Variants in SPATA2 observed in about 807,000 individuals in gnomAD.
SPATA2 encodes spermatogenesis associated 2.
A neutral mutation model predicts 35.4 loss-of-function variants in SPATA2; 8 were observed. The ratio of observed to expected loss-of-function variants is 0.23; its 90% CI spans 0.13 to 0.41. The LOEUF (loss-of-function observed/expected upper bound fraction) is 0.41, where lower values mean the gene tolerates loss of function less well. Among genes scored for constraint, SPATA2 ranks in the 10% least tolerant of loss-of-function variants. The probability of loss-of-function intolerance (pLI) is 1.00; values close to 1 mark genes in which losing one functional copy is unlikely to be tolerated. For synonymous variants in SPATA2, 293 were observed against 300.9 expected (o/e 0.97, Z 0.27); for missense variants, 650 against 698.7 (o/e 0.93, Z 0.79).
intron 2 of SPATA2, among the ~76,000 whole-genome samples, chr20:49,907,077 T>C (rs1197341073): frequency 6.6e-6 from 1 of 152,186 alleles, no homozygotes; most frequent in African/African-American, 2.4e-5. Context: ...TTTCTTTTGT[T>C]TGAGACGGAG....
intron 2 of SPATA2, among the ~76,000 whole-genome samples, chr20:49,907,059 G>C (rs946345025): frequency 1.8e-4 from 28 of 152,308 alleles, no homozygotes; most frequent in Admixed American, 1.4e-3. Flanking sequence ...AAATGACCCA[G>C]CAGCTCCTTT....
At chr20:49,909,015 C>A (rs1194020247) in intron 1 of SPATA2, among the ~76,000 whole-genome samples, 4 of 152,100 alleles carry the variant, frequency 2.6e-5, no homozygotes, top group African/African-American at 9.7e-5. Flanking sequence ...GAGCTTCACA[C>A]ACACTAACTC....
Position 49,903,902 on chromosome 20 carries a change from GATATATAT to G in SPATA2, c.*1709_*1716del, listed in dbSNP as rs374830291. 0.017 allele frequency: 1,608 copies of G among 96,650 alleles called. 15 individuals carry two copies. Among genetic ancestry groups the G allele is most frequent in the Non-Finnish European group, 0.019 (937 of 49,542 alleles). The allele number at this position is 96,650 out of a possible 1,614,324, so 6.0% of individuals were successfully genotyped here. A position where few individuals can be genotyped will look rare whatever the true frequency, so the allele number is the denominator to read the frequency against. On this transcript the variant is annotated 3_prime_UTR_variant, in exon 3 of 3. Transcript: ENST00000289431. ...ACATCTACATGTGATCTACCAGATA[GATATATAT>G]ATATATATATATATATATATATATA...
rs1389586729 is a variant in SPATA2 at position 49,905,796 on chromosome 20, G to A, written c.1386C>T (p.Phe462=). 5.0e-6 allele frequency: 8 copies of A among 1,614,070 alleles called. No homozygotes were observed. Among genetic ancestry groups the A allele is most frequent in the Non-Finnish European group, 5.9e-6 (7 of 1,180,030 alleles). The stretch of plus-strand genomic sequence containing the variant: ...TGTTGGTGGCGCCTGGGCGGTTGCA[G>A]AAGCCACAGCGGGAAGTGGGCGTGG... The part of the protein sequence containing the change: ...PSTTPTSRCG[F]CNRPGATNTC... Residue 462 remains phenylalanine (F), a synonymous_variant, in exon 3 of 3, where the codon TTC becomes TTT. Coordinates refer to ENST00000289431, the MANE Select transcript of SPATA2 (RefSeq NM_006038.4).
Position 49,908,141 on chromosome 20 carries a change from C to A in SPATA2, c.336+14G>T. ...AGAAGGAGGGCCTGTATGGAGGCTG[C>A]TCCAGGACCTCACCTTGATGCTTCT... On this transcript the variant is annotated intron_variant, in intron 2 of 2. Transcript: ENST00000289431. 1 of 1,591,898 alleles carries A rather than the reference C, an allele frequency of 6.3e-7. No individual in the cohort carries two copies. Among genetic ancestry groups the A allele is most frequent in the African/African-American group, 1.3e-5 (1 of 74,592 alleles).
intron 1 of SPATA2, among the ~76,000 whole-genome samples, chr20:49,913,264 A>G (rs1345240714): frequency 6.6e-6 from 1 of 152,220 alleles, no homozygotes; most frequent in East Asian, 1.9e-4. Flanking sequence ...AACCTGCCCA[A>G]CAGAGTTTGA....
At position 49,903,912 on chromosome 20, in the gene SPATA2, T is replaced by C. The variant is rs1447155031; in HGVS notation, c.*1707A>G. 2.9e-4 allele frequency: 8 copies of C among 28,028 alleles called. No individual in the cohort carries two copies. The highest frequency in any genetic ancestry group is 8.5e-4 in the African/African-American group (8 of 9,438). 1.7% of individuals were successfully genotyped at this position (28,028 alleles called of 1,614,324 possible). ...GTGATCTACCAGATAGATATATATA[T>C]ATATATATATATATATATATATATA... On this transcript the variant is annotated 3_prime_UTR_variant, in exon 3 of 3. Transcript: ENST00000289431.
At position 49,905,625 on chromosome 20, in the gene SPATA2, G is replaced by A; in HGVS notation, c.1557C>T (p.Tyr519=). The change falls in exon 3 of 3, where the codon TAC becomes TAT. Residue 519 remains tyrosine (Y), a synonymous_variant. Coordinates refer to ENST00000289431, the MANE Select transcript of SPATA2 (RefSeq NM_006038.4). The part of the protein sequence containing the change: ...YKSTQLSHLV[Y]R ...TGGAAGGGGCGAGGCCGGTCTATCTGTACACGAGATGGGAGAGCTGGGTGG... is the reference window on the plus strand; with the variant it reads ...TGGAAGGGGCGAGGCCGGTCTATCTATACACGAGATGGGAGAGCTGGGTGG... The A allele has an allele frequency of 1.2e-6, 2 of 1,614,204 alleles. No individual in the cohort carries two copies. The highest frequency in any genetic ancestry group is 2.2e-5 in the East Asian group (1 of 44,880).
Position 49,905,908 on chromosome 20 carries a change from T to A in SPATA2, c.1274A>T (p.His425Leu), listed in dbSNP as rs1568905807. ...SKASTHDSLA[H>L]GASLREKYPG... The stretch of plus-strand genomic sequence containing the variant: ...GTACTTCTCCCGCAGAGATGCCCCG[T>A]GGGCCAGGCTGTCATGAGTCGAGGC... Residue 425 changes from histidine to leucine, a missense_variant, in exon 3 of 3, where the codon CAC (histidine) becomes CTC (leucine). Physicochemically the swap from His to Leu is moderately conservative, Grantham distance 99 (BLOSUM62 -3). Transcript: ENST00000289431. 4 of 1,612,324 alleles carry A rather than the reference T, an allele frequency of 2.5e-6. No homozygotes were observed. The highest frequency in any genetic ancestry group is 3.4e-6 in the Non-Finnish European group (4 of 1,179,990).
intron 1 of SPATA2, among the ~76,000 whole-genome samples, chr20:49,908,978 T>C (rs545524635): frequency 1.3e-5 from 2 of 152,050 alleles, no homozygotes; most frequent in African/African-American, 4.8e-5. Context: ...CCTGAGCTAA[T>C]AGTACCAGAG....
intron 1 of SPATA2, among the ~76,000 whole-genome samples, chr20:49,910,852 C>G (rs1389074224): frequency 2.6e-5 from 4 of 152,204 alleles, no homozygotes; most frequent in Admixed American, 2.6e-4. Flanking sequence ...CTGTCTCCAA[C>G]ACACTGCACT....
In SPATA2 at chr20:49,906,684, G is replaced by A; in HGVS notation, c.498C>T (p.Leu166=). ...TLQVKMVSFE[L]FLAKVECEQM... Reference sequence around the variant, plus strand: ...GCTCACACTCGACTTTGGCCAGAAAGAGCTCAAAGGAGACCATCTTCACCT... The same window carrying A: ...GCTCACACTCGACTTTGGCCAGAAAAAGCTCAAAGGAGACCATCTTCACCT... Residue 166 remains leucine (L), a synonymous_variant, in exon 3 of 3, where the codon CTC becomes CTT. Transcript: ENST00000289431. The surrounding 1 kb of genome is among the most constrained non-coding windows in gnomAD (Gnocchi z 8.2). 1 of 1,614,238 alleles carries A rather than the reference G, an allele frequency of 6.2e-7. No homozygotes were observed. The highest frequency in any genetic ancestry group is 1.1e-5 in the South Asian group (1 of 91,084).
chr20:49,905,190 C>T lies in SPATA2; in HGVS notation c.*429G>A, dbSNP rs2090132656. 6.1e-6 allele frequency: 1 copy of T among 163,430 alleles called. No individual in the cohort carries two copies. The highest frequency in any genetic ancestry group is 2.4e-5 in the African/African-American group (1 of 41,634). 10.1% of individuals were successfully genotyped at this position (163,430 alleles called of 1,614,324 possible). On this transcript the variant is annotated 3_prime_UTR_variant, in exon 3 of 3. Coordinates refer to ENST00000289431, the MANE Select transcript of SPATA2 (RefSeq NM_006038.4). ...CACAAGCCAACAGGCCTCTAGCTCG[C>T]CGCTCCAGGTGGATGTTTGGTGACC...
rs1182305722 is a variant in SPATA2 at position 49,904,831 on chromosome 20, A to T, written c.*788T>A. ...TTTTAACCACGTTGAAACACACAGCAAGTTGAATATTTATTTAAAAATAAA... is the reference window on the plus strand; with the variant it reads ...TTTTAACCACGTTGAAACACACAGCTAGTTGAATATTTATTTAAAAATAAA... On this transcript the variant is annotated 3_prime_UTR_variant, in exon 3 of 3. Transcript: ENST00000289431. The T allele has an allele frequency of 1.3e-5, 2 of 152,652 alleles. No homozygotes were observed. Among genetic ancestry groups the T allele is most frequent in the African/African-American group, 4.8e-5 (2 of 41,456 alleles). 9.5% of individuals were successfully genotyped at this position (152,652 alleles called of 1,614,324 possible).
intron 1 of SPATA2, among the ~76,000 whole-genome samples, chr20:49,910,459 T>C (rs1160958751): frequency 1.3e-5 from 2 of 152,132 alleles, no homozygotes; most frequent in Non-Finnish European, 2.9e-5. Flanking sequence ...TACCTCTGAC[T>C]GGGTGGTAGA....
In SPATA2 at chr20:49,915,443, G is replaced by C. The variant is rs1438761767; in HGVS notation, c.-166C>G. The C allele has an allele frequency of 6.6e-6, 1 of 152,212 alleles. No homozygotes were observed. The highest frequency in any genetic ancestry group is 1.5e-5 in the Non-Finnish European group (1 of 68,060). The allele number at this position is 152,212 out of a possible 1,614,324, so 9.4% of individuals were successfully genotyped here. On this transcript the variant is annotated 5_prime_UTR_variant, in exon 1 of 3. Coordinates refer to ENST00000289431, the MANE Select transcript of SPATA2 (RefSeq NM_006038.4). ...CAAGCGAGAGGCGCGGCTGCCGCCG[G>C]AGCCGGGCCCCGTCGGGCTCTAGCC...
chr20:49,908,115 G>T lies in SPATA2; in HGVS notation c.336+40C>A, dbSNP rs929035523. On this transcript the variant is annotated intron_variant, in intron 2 of 2. Transcript: ENST00000289431. ...GGAGGGACTGCCAGGGGCAGGAAGA[G>T]AGAAGGAGGGCCTGTATGGAGGCTG... 3 of 1,547,366 alleles carry T rather than the reference G, an allele frequency of 1.9e-6. No homozygotes were observed. The East Asian group carries it at 6.8e-5, about 35-fold the overall frequency.
Position 49,905,651 on chromosome 20 carries a change from A to T in SPATA2, c.1531T>A (p.Ser511Thr). ...TACACGAGATGGGAGAGCTGGGTGG[A>T]CTTGTAGTTCAGCTGGTTGTTGGGC... Reference protein sequence around the residue: ...FMPNNQLNYKSTQLSHLVYR With the variant: ...FMPNNQLNYKTTQLSHLVYR The change falls in exon 3 of 3, where the codon TCC (serine) becomes ACC (threonine). Residue 511 changes from serine to threonine, a missense_variant. By Grantham distance (58) the Ser-to-Thr change is moderately conservative. Coordinates refer to ENST00000289431, the MANE Select transcript of SPATA2 (RefSeq NM_006038.4). 6.2e-7 allele frequency: 1 copy of T among 1,614,200 alleles called. No individual in the cohort carries two copies. The highest frequency in any genetic ancestry group is 8.5e-7 in the Non-Finnish European group (1 of 1,180,032).
At chr20:49,912,341 G>A (rs935001752) in intron 1 of SPATA2, among the ~76,000 whole-genome samples, 2 of 152,136 alleles carry the variant, frequency 1.3e-5, no homozygotes, top group Non-Finnish European at 2.9e-5. Context: ...AGCTACTCAG[G>A]AGGCTGAGGC....
Sources: allele counts gnomAD v4.1 joint callset (sites outside exome capture counted in the v4.1 genomes callset), GRCh38; gene constraint gnomAD v4.1.1; non-coding constraint Gnocchi (gnomAD v3.1); transcripts MANE v1.5; gene names NCBI Gene and HGNC (gene_info 2026-07-23, HGNC 2026-07-21).